PRKCB: variants seen among roughly 807,000 people sequenced by gnomAD.
PRKCB encodes protein kinase C beta type.
Under a neutral mutation model 81.5 loss-of-function variants are expected in PRKCB, and 13 were observed. The observed-to-expected ratio is 0.16, with a 90% CI of 0.10 to 0.25. PRKCB has a LOEUF of 0.25. Among genes scored for constraint, PRKCB ranks in the 10% least tolerant of loss-of-function variants. The pLI is 1.00. For synonymous variants in PRKCB, 335 were observed against 321.4 expected (o/e 1.04, Z -0.45); for missense variants, 509 against 875.7 (o/e 0.58, Z 5.29).
At chr16:24,071,570 A>G (rs1278293694) in intron 5 of PRKCB, among the ~76,000 whole-genome samples, 1 of 152,058 alleles carries the variant, frequency 6.6e-6, no homozygotes, top group Non-Finnish European at 1.5e-5. Flanking sequence ...GCTCAACTCA[A>G]CAGGGCCAGT....
rs1596563104 is a variant in PRKCB, at chr16:24,134,079, G to A, written c.1065+10098G>A. 2.6e-5 allele frequency among the ~76,000 whole-genome samples: 4 copies of A among 151,730 alleles called. No individual in the cohort carries two copies. In the South Asian group the frequency reaches 8.3e-4, roughly 32 times the overall value. On this transcript the variant is annotated intron_variant, in intron 9 of 16. Coordinates refer to ENST00000643927, the MANE Select transcript of PRKCB (RefSeq NM_002738.7). ...CCCAGCTAATTTTTTTATTGTTTTTGTAGAGACAGGGTCCCACTTTGTTGC... is the reference window on the plus strand; with the variant it reads ...CCCAGCTAATTTTTTTATTGTTTTTATAGAGACAGGGTCCCACTTTGTTGC...
intron 3 of PRKCB, among the ~76,000 whole-genome samples, chr16:23,992,613 A>G (rs945921393): frequency 2.6e-5 from 4 of 152,258 alleles, no homozygotes; most frequent in African/African-American, 9.6e-5. Flanking sequence ...TTGAATTCCC[A>G]GCTCAAAGAG....
chr16:24,196,513 T>C (rs557072776), intron 16 of PRKCB, among the ~76,000 whole-genome samples: 1 of 152,276 alleles, frequency 6.6e-6, no homozygotes, highest in African/African-American at 2.4e-5. Context: ...GGACTTTGGG[T>C]AGAGAGATCT....
chr16:23,906,901 G>A (rs970858086), intron 2 of PRKCB, among the ~76,000 whole-genome samples: 1 of 152,118 alleles, frequency 6.6e-6, no homozygotes, highest in African/African-American at 2.4e-5. Context: ...CAGCTGACTA[G>A]AGGCAAAGAT....
At chr16:23,940,350 G>C (rs1308127092) in intron 2 of PRKCB, among the ~76,000 whole-genome samples, 4 of 151,614 alleles carry the variant, frequency 2.6e-5, no homozygotes, top group African/African-American at 9.7e-5. Flanking sequence ...ATCTATCCTA[G>C]ATAAATCAAA....
At chr16:24,002,315 G>A (rs977754491) in intron 3 of PRKCB, among the ~76,000 whole-genome samples, 25 of 124,774 alleles carry the variant, frequency 2.0e-4, no homozygotes, top group African/African-American at 7.1e-4. Flanking sequence ...GTGTGTGTAT[G>A]TGTGTGTGCG....
chr16:23,937,813 A>G (rs1283812238), intron 2 of PRKCB, among the ~76,000 whole-genome samples: 1 of 152,230 alleles, frequency 6.6e-6, no homozygotes, highest in Non-Finnish European at 1.5e-5. Flanking sequence ...ACATTCATTC[A>G]GAGAAGCCAG....
intron 2 of PRKCB, among the ~76,000 whole-genome samples, chr16:23,900,534 A>G (rs1045827937): frequency 2.6e-5 from 4 of 152,160 alleles, no homozygotes; most frequent in African/African-American, 9.7e-5. Context: ...GAGGAGTACT[A>G]CTGTCATTAG....
At chr16:24,011,185 T>A (rs77275479) in intron 3 of PRKCB, among the ~76,000 whole-genome samples, 3,910 of 152,128 alleles carry the variant, frequency 0.026, 171 homozygotes, top group African/African-American at 0.088. Context: ...TATTTTTTTT[T>A]AAATTGGAGG....
At chr16:24,094,844 GAA>G (rs1966420071) in intron 7 of PRKCB, among the ~76,000 whole-genome samples, 1 of 146,970 alleles carries the variant, frequency 6.8e-6, no homozygotes, top group African/African-American at 2.6e-5. Flanking sequence ...AGGAAGGAAG[GAA>G]GGAAGGAAAG....
rs1202036542 is a variant in PRKCB, at chr16:24,110,171, A to T, written c.822-2802A>T. On this transcript the variant is annotated intron_variant, in intron 7 of 16. Transcript: ENST00000643927. Reference sequence around the variant, plus strand: ...GAGAGGAGGGAGAGGAGGGAGAGGGAGAGGGAGAGGGAGAGGGAGAGAGCG... The same window carrying T: ...GAGAGGAGGGAGAGGAGGGAGAGGGTGAGGGAGAGGGAGAGGGAGAGAGCG... Among the ~76,000 whole-genome samples, 12 of 100,012 alleles carry T rather than the reference A, an allele frequency of 1.2e-4. 1 individual carries two copies. The highest frequency in any genetic ancestry group is 6.1e-4 in the African/African-American group (11 of 18,030). The allele number at this position is 100,012 out of a possible 152,430, so 65.6% of individuals were successfully genotyped here.
In PRKCB at chr16:23,988,498, T is replaced by C; in HGVS notation, c.206-10T>C. On this transcript the variant is annotated splice_polypyrimidine_tract_variant and intron_variant, in intron 2 of 16. Coordinates refer to ENST00000643927, the MANE Select transcript of PRKCB (RefSeq NM_002738.7). ...TTCCCTTCCTCCCACCCTGATTTTC[T>C]CTTTTGCAGTTTGCTGCTTTGTGGT... 6.2e-7 allele frequency: 1 copy of C among 1,613,488 alleles called. No individual in the cohort carries two copies. The highest frequency in any genetic ancestry group is 8.5e-7 in the Non-Finnish European group (1 of 1,179,468).
Position 23,963,531 on chromosome 16 carries a change from C to T in PRKCB, c.206-24977C>T, listed in dbSNP as rs141185223. ...GAAAGTTTGAAATTAACAAAAAGAGCCTTTGATGTTTCCCTTGCTGCACAT... is the reference window on the plus strand; with the variant it reads ...GAAAGTTTGAAATTAACAAAAAGAGTCTTTGATGTTTCCCTTGCTGCACAT... On this transcript the variant is annotated intron_variant, in intron 2 of 16. Transcript: ENST00000643927. 1.6e-3 allele frequency among the ~76,000 whole-genome samples: 251 copies of T among 152,250 alleles called. 1 individual carries two copies. Among genetic ancestry groups the T allele is most frequent in the Non-Finnish European group, 2.8e-3 (191 of 68,022 alleles).
intron 2 of PRKCB, among the ~76,000 whole-genome samples, chr16:23,879,568 A>G (rs968181577): frequency 2.3e-5 from 3 of 129,370 alleles, no homozygotes; most frequent in Non-Finnish European, 4.6e-5. Context: ...ATCTCAGCTC[A>G]CTGCAACCTC....
chr16:23,860,723 T>TAA (rs112284849), intron 2 of PRKCB, among the ~76,000 whole-genome samples: 4 of 140,914 alleles, frequency 2.8e-5, no homozygotes, highest in African/African-American at 1.0e-4. Flanking sequence ...CCATCTCTAC[T>TAA]AAAAAAAAAA....
intron 2 of PRKCB, among the ~76,000 whole-genome samples, chr16:23,987,673 C>T (rs1013280957): frequency 1.3e-5 from 2 of 152,056 alleles, no homozygotes; most frequent in Non-Finnish European, 2.9e-5. Context: ...TTTTCATTTA[C>T]TAAGCATGCA....
At chr16:24,174,815 C>T (rs982363167) in intron 12 of PRKCB, 14 of 452,316 alleles carry the variant, frequency 3.1e-5, no homozygotes, top group Non-Finnish European at 5.1e-5. Context: ...TGGTTCAGAG[C>T]CTCAAACAGG....
chr16:24,108,974 G>T (rs1966622950), intron 7 of PRKCB, among the ~76,000 whole-genome samples: 2 of 143,810 alleles, frequency 1.4e-5, no homozygotes. Context: ...GGCTGGCCGG[G>T]CGGGGGACTG....
At chr16:24,106,430 A>G (rs778906623) in intron 7 of PRKCB, among the ~76,000 whole-genome samples, 1 of 152,220 alleles carries the variant, frequency 6.6e-6, no homozygotes, top group Non-Finnish European at 1.5e-5. Context: ...CATAACCACT[A>G]TTGACCCTAT....
Sources: allele counts gnomAD v4.1 joint callset (sites outside exome capture counted in the v4.1 genomes callset), GRCh38; gene constraint gnomAD v4.1.1; transcripts MANE v1.5; gene names NCBI Gene and HGNC (gene_info 2026-07-23, HGNC 2026-07-21).